The following SETD1B variants were observed in gnomAD, a reference collection of about 807,000 sequenced individuals.
The protein encoded by SETD1B is SET domain containing 1B, histone lysine methyltransferase.
SETD1B carries 7 observed loss-of-function variants against 148.0 expected under a neutral mutation model. The observed-to-expected ratio is 0.05, with a 90% CI of 0.03 to 0.09. The LOEUF is 0.09. SETD1B is among the 10% of genes least tolerant of loss of function. The pLI, the probability that SETD1B is intolerant of heterozygous loss-of-function variation, is 1.00. For missense variants in SETD1B, 2,155 were observed against 2,729.9 expected (o/e 0.79, Z 4.69); for synonymous variants, 1,361 against 1,186.5 (o/e 1.15, Z -3.02).
the SETD1B span, among the ~76,000 whole-genome samples, chr12:121,790,435 G>A: frequency 0.018 from 2,782 of 152,342 alleles, 108 homozygotes; most frequent in African/African-American, 0.063. Context: ...ATGGCTTTCT[G>A]TCCTGTTCTC....
chr12:121,825,395 A>C (rs1484345645), intron 13 of SETD1B, 29 bp downstream of exon 13: 1 of 1,538,426 alleles, frequency 6.5e-7, no homozygotes, highest in Non-Finnish European at 8.8e-7. Flanking sequence ...GACACATCAG[A>C]GCCTGCTGGG....
At chr12:121,797,832 G>T in the SETD1B span, 2 of 328,678 alleles carry the variant, frequency 6.1e-6, no homozygotes, top group South Asian at 2.3e-5. Flanking sequence ...GAAGGAGGAG[G>T]CTTTTGGGAT....
chr12:121,824,063 G>A (rs1876720142), intron 12 of SETD1B, among the ~76,000 whole-genome samples: 1 of 152,226 alleles, frequency 6.6e-6, no homozygotes, highest in Admixed American at 6.5e-5. Context: ...TCCTTGTCCT[G>A]TCCCCTTCAT....
At chr12:121,801,664 T>C (rs1250194129), upstream of SETD1B, 1 of 152,476 alleles carries the variant, frequency 6.6e-6, no homozygotes, top group Non-Finnish European at 1.5e-5. Flanking sequence ...TTTGATTTAG[T>C]TGGGAAATTT....
upstream of SETD1B, chr12:121,799,478 G>A (rs989825353): frequency 3.3e-5 from 5 of 152,268 alleles, no homozygotes; most frequent in African/African-American, 1.2e-4. Context: ...GGCGGCTGGA[G>A]GGAAGGCCAC....
intron 13 of SETD1B, among the ~76,000 whole-genome samples, chr12:121,825,587 A>G (rs1876802239): frequency 6.6e-6 from 1 of 151,946 alleles, no homozygotes; most frequent in African/African-American, 2.4e-5. Context: ...AAAGGGTTTA[A>G]TTAGGGATGT....
At chr12:121,791,194 C>T in the SETD1B span, among the ~76,000 whole-genome samples, 10 of 151,816 alleles carry the variant, frequency 6.6e-5, no homozygotes, top group Non-Finnish European at 1.3e-4. Context: ...GGCACAATCT[C>T]GGCTCACTGC....
In SETD1B at chr12:121,815,011, G is replaced by T. The variant is rs149398008; in HGVS notation, c.2715+81G>T. ...AGCCGGGCACCTCCTCTTTCCCTGA[G>T]ACTGTTAACTGGAAACGCTGCCGTG... On this transcript the variant is annotated intron_variant, in intron 7 of 16. Transcript: ENST00000604567. 6.0e-4 allele frequency: 781 copies of T among 1,305,158 alleles called. 9 individuals carry two copies. The East Asian group carries it at 0.015, about 26-fold the overall frequency. The allele number at this position is 1,305,158 out of a possible 1,614,324, so 80.8% of individuals were successfully genotyped here.
the SETD1B span, among the ~76,000 whole-genome samples, chr12:121,791,148 T>A: frequency 6.6e-6 from 1 of 151,324 alleles, no homozygotes; most frequent in Admixed American, 6.6e-5. Flanking sequence ...TGCTGGGAGA[T>A]GTAGTCTCGC....
intron 4 of SETD1B, among the ~76,000 whole-genome samples, chr12:121,807,525 C>T (rs1246607181): frequency 6.6e-6 from 1 of 151,488 alleles, no homozygotes; most frequent in Non-Finnish European, 1.5e-5. Context: ...GTTTGTATTT[C>T]AAGAAAGAGA....
chr12:121,823,762 CATGG>C lies in SETD1B; in HGVS notation c.5170+14_5170+17del. The C allele has an allele frequency of 6.5e-7, 1 of 1,535,514 alleles. No homozygotes were observed. The highest frequency in any genetic ancestry group is 2.0e-5 in the Admixed American group (1 of 50,658). Reference sequence around the variant, plus strand: ...GTCTACCATCCCTATATCCTGCTGGCATGGGGGGCTCTGCACCTTCTGGGATGCA... The same window carrying C: ...GTCTACCATCCCTATATCCTGCTGGCGGGGCTCTGCACCTTCTGGGATGCA... On this transcript the variant is annotated intron_variant, in intron 12 of 16. Coordinates refer to ENST00000604567, the MANE Select transcript of SETD1B (RefSeq NM_001353345.2).
intron 7 of SETD1B, among the ~76,000 whole-genome samples, chr12:121,815,372 AG>A (rs757756528): frequency 1.3e-5 from 2 of 150,372 alleles, no homozygotes; most frequent in Non-Finnish European, 3.0e-5. Flanking sequence ...GCCTAGTGGT[AG>A]TACACAGGAT....
rs968947273 is a variant in SETD1B at position 121,819,254 on chromosome 12, A to G, written c.3419-150A>G. The G allele has an allele frequency of 3.6e-6, 5 of 1,381,424 alleles. No homozygotes were observed. The African/African-American group carries it at 7.4e-5, about 20-fold the overall frequency. The allele number at this position is 1,381,424 out of a possible 1,614,324, so 85.6% of individuals were successfully genotyped here. A position where few individuals can be genotyped will look rare whatever the true frequency, so the allele number is the denominator to read the frequency against. On this transcript the variant is annotated intron_variant, in intron 10 of 16. Coordinates refer to ENST00000604567, the MANE Select transcript of SETD1B (RefSeq NM_001353345.2). The stretch of plus-strand genomic sequence containing the variant: ...AGCAAAACTCAAAAAAAAGAAAAAA[A>G]AGACTCCTAGTGAACACATGCCCCA...
the SETD1B span, among the ~76,000 whole-genome samples, chr12:121,792,804 G>A: frequency 6.6e-6 from 1 of 152,262 alleles, no homozygotes; most frequent in Non-Finnish European, 1.5e-5. Context: ...AGCTCACAGA[G>A]TCTGCAGAGA....
Position 121,804,951 on chromosome 12 carries a change from G to A in SETD1B, c.174+40G>A. ...CGCCCCCCCAGCCGTGCCCCGCGTC[G>A]TGTCCGGGGAGACGCGCCTAGCGGC... On this transcript the variant is annotated intron_variant, in intron 2 of 16. Coordinates refer to ENST00000604567, the MANE Select transcript of SETD1B (RefSeq NM_001353345.2). This position sits in a 1 kb window ranked among gnomAD's most constrained non-coding sequence, Gnocchi z 4.6. 1 of 1,474,312 alleles carries A rather than the reference G, an allele frequency of 6.8e-7. No homozygotes were observed. Among genetic ancestry groups the A allele is most frequent in the Non-Finnish European group, 9.0e-7 (1 of 1,108,522 alleles). The allele number at this position is 1,474,312 out of a possible 1,614,324, so 91.3% of individuals were successfully genotyped here.
chr12:121,823,888 G>A, intron 12 of SETD1B, 139 bp downstream of exon 12: 3 of 1,274,134 alleles, frequency 2.4e-6, no homozygotes, highest in Non-Finnish European at 3.2e-6. Context: ...CACTTCCCAA[G>A]CAGGGTTTGT....
chr12:121,797,389 G>C, the SETD1B span: 19 of 448,112 alleles, frequency 4.2e-5, no homozygotes, highest in African/African-American at 3.8e-4. Flanking sequence ...GGTGACCGGT[G>C]GGCGGGGCGC....
In SETD1B at chr12:121,808,308, T is replaced by C; in HGVS notation, c.645T>C (p.Asn215=). 1.3e-6 allele frequency: 2 copies of C among 1,548,644 alleles called. No homozygotes were observed. The highest frequency in any genetic ancestry group is 1.7e-6 in the Non-Finnish European group (2 of 1,145,304). The change falls in exon 5 of 17, where the codon AAT becomes AAC. Residue 215 remains asparagine (N), a synonymous_variant. Transcript: ENST00000604567. This position sits in a 1 kb window ranked among gnomAD's most constrained non-coding sequence, Gnocchi z 5.3. ...TGGACGCTGTCTCTCCAATCGTGAA[T>C]GAGACCCTGCAGGTGGGTTTATGGC... ...GELDAVSPIV[N]ETLQLSDALK...
At chr12:121,825,389 C>T in intron 13 of SETD1B, 23 bp downstream of exon 13, 1 of 1,540,390 alleles carries the variant, frequency 6.5e-7, no homozygotes, top group Non-Finnish European at 8.7e-7. Context: ...CTCCTGGACA[C>T]ATCAGAGCCT....
Sources: allele counts gnomAD v4.1 joint callset (sites outside exome capture counted in the v4.1 genomes callset), GRCh38; gene constraint gnomAD v4.1.1; non-coding constraint Gnocchi (gnomAD v3.1); transcripts MANE v1.5; gene names NCBI Gene and HGNC (gene_info 2026-07-23, HGNC 2026-07-21).